Variants in DMXL1 observed in about 807,000 individuals in gnomAD.
The protein encoded by DMXL1 is dmX-like protein 1.
In DMXL1, 99 loss-of-function variants were observed where a neutral mutation model predicts 319.2. The ratio of observed to expected loss-of-function variants is 0.31; its 90% CI spans 0.26 to 0.37. The LOEUF (loss-of-function observed/expected upper bound fraction) is 0.37. DMXL1 is among the 10% of genes least tolerant of loss of function. The pLI is 1.00. For missense variants in DMXL1, 3,745 were observed against 3,595.6 expected, an observed-to-expected ratio of 1.04 and a Z score of -1.06; for synonymous variants, 1,385 against 1,235.2, an observed-to-expected ratio of 1.12 and a Z score of -2.54.
At chr5:119,091,229 C>T (rs968406048) in intron 1 of DMXL1, among the ~76,000 whole-genome samples, 3 of 151,304 alleles carry the variant, frequency 2.0e-5, no homozygotes, top group South Asian at 2.1e-4. Context: ...ATTTATTTGA[C>T]AGTGTCTTGC....
At chr5:119,235,299 A>G (rs1787543088) in intron 39 of DMXL1, among the ~76,000 whole-genome samples, 1 of 152,184 alleles carries the variant, frequency 6.6e-6, no homozygotes, top group African/African-American at 2.4e-5. Context: ...AATATATTAC[A>G]TTTATACAAC....
At chr5:119,199,368 C>T (rs1375682429) in intron 32 of DMXL1, among the ~76,000 whole-genome samples, 2 of 152,168 alleles carry the variant, frequency 1.3e-5, no homozygotes, top group Admixed American at 6.5e-5. Context: ...TAGTAACCTC[C>T]AGCTCCATCC....
At chr5:119,109,926 G>GA (rs1277065271) in intron 4 of DMXL1, among the ~76,000 whole-genome samples, 24 of 152,184 alleles carry the variant, frequency 1.6e-4, no homozygotes, top group Admixed American at 1.1e-3. Flanking sequence ...CCGGGACAAA[G>GA]AAGATGCTCA....
At chr5:119,203,174 GA>G in intron 32 of DMXL1, 144 bp from the exon 33 acceptor site, 1 of 500,578 alleles carries the variant, frequency 2.0e-6, no homozygotes, top group South Asian at 3.3e-5. Flanking sequence ...ATCCTTTAAG[GA>G]AAAGGTTGGC....
intron 30 of DMXL1, 34 bp from the exon 31 acceptor site, chr5:119,196,337 A>G (rs773353279): frequency 6.5e-7 from 1 of 1,530,436 alleles, no homozygotes; most frequent in South Asian, 1.1e-5. Context: ...CCCTATAGAA[A>G]TAGTTAACAG....
At chr5:119,178,286 CTGAG>C in intron 28 of DMXL1, 42 bp downstream of exon 28, 1 of 1,579,546 alleles carries the variant, frequency 6.3e-7, no homozygotes, top group African/African-American at 1.4e-5. Flanking sequence ...CTTTATTTAT[CTGAG>C]TGATATCATT....
At chr5:119,204,241 G>A (rs1367614076) in intron 33 of DMXL1, among the ~76,000 whole-genome samples, 3 of 151,498 alleles carry the variant, frequency 2.0e-5, no homozygotes, top group East Asian at 1.9e-4. Context: ...AGGCTCAAGC[G>A]ATCCTCCCAC....
intron 10 of DMXL1, chr5:119,132,633 C>A (rs1005168338): frequency 1.1e-5 from 4 of 370,536 alleles, no homozygotes; most frequent in African/African-American, 6.5e-5. Context: ...GCTGAGATCA[C>A]GCCACTGTAC....
At chr5:119,245,206 G>A (rs908847575) in intron 43 of DMXL1, among the ~76,000 whole-genome samples, 5 of 152,154 alleles carry the variant, frequency 3.3e-5, no homozygotes, top group African/African-American at 1.2e-4. Context: ...TTAATGGAGG[G>A]TCTTTTGGCC....
chr5:119,092,559 T>C (rs1755023515), intron 1 of DMXL1, among the ~76,000 whole-genome samples: 2 of 152,238 alleles, frequency 1.3e-5, no homozygotes, highest in South Asian at 4.1e-4. Context: ...GTGGTTTTAG[T>C]GTATTAACAA....
At chr5:119,139,739 T>G (rs1426379057) in intron 13 of DMXL1, among the ~76,000 whole-genome samples, 1 of 152,124 alleles carries the variant, frequency 6.6e-6, no homozygotes, top group Non-Finnish European at 1.5e-5. Context: ...GTAACAGAGA[T>G]ATTCCGGACC....
chr5:119,188,606 TATCAA>T (rs1184458902), intron 28 of DMXL1, among the ~76,000 whole-genome samples: 6 of 152,246 alleles, frequency 3.9e-5, no homozygotes. Context: ...GATTGTTGGT[TATCAA>T]ATGTTAGTAA....
chr5:119,237,363 A>G lies in DMXL1; in HGVS notation c.8508A>G (p.Gln2836=), dbSNP rs551989927. ...CTGATGGATATTTAAGTTTGTATCA[A>G]ACAAACTGGAAATGTTGTCCAGTTA... ...VDADGYLSLY[Q]TNWKCCPVTG... The change falls in exon 40 of 44, where the codon CAA becomes CAG. Residue 2836 remains glutamine, a synonymous_variant. Coordinates refer to ENST00000539542, the MANE Select transcript of DMXL1 (RefSeq NM_001290321.3). 1.9e-6 allele frequency: 3 copies of G among 1,604,058 alleles called. No individual in the cohort carries two copies. Among genetic ancestry groups the G allele is most frequent in the East Asian group, 2.2e-5 (1 of 44,668 alleles).
rs561476219 is a variant in DMXL1 at position 119,142,872 on chromosome 5, T to C, written c.2377-969T>C. The stretch of plus-strand genomic sequence containing the variant: ...TGTGCAGCCATAAAAAAGAATGAAA[T>C]GATGTAATTTGCAGGAACATGGGTG... On this transcript the variant is annotated intron_variant, in intron 13 of 43. Transcript: ENST00000539542. Among the ~76,000 whole-genome samples the C allele has an allele frequency of 4.0e-4, 61 of 152,172 alleles. 1 individual carries two copies. The highest frequency in any genetic ancestry group is 4.0e-3 in the Admixed American group (61 of 15,280).
At chr5:119,089,394 C>T (rs1754183919) in intron 1 of DMXL1, among the ~76,000 whole-genome samples, 1 of 143,318 alleles carries the variant, frequency 7.0e-6, no homozygotes, top group Admixed American at 7.2e-5. Context: ...CAACCTCTGC[C>T]TCCTGGGTTC....
intron 4 of DMXL1, among the ~76,000 whole-genome samples, chr5:119,106,204 A>T (rs943054576): frequency 3.9e-5 from 6 of 152,178 alleles, no homozygotes; most frequent in Non-Finnish European, 2.9e-5. Context: ...GGCCCTCTGT[A>T]GCAGGGCAGC....
intron 37 of DMXL1, among the ~76,000 whole-genome samples, chr5:119,223,821 A>G (rs1267538320): frequency 6.6e-6 from 1 of 152,154 alleles, no homozygotes. Flanking sequence ...ACCTTCAGGC[A>G]TTTCTTTAAT....
intron 34 of DMXL1, among the ~76,000 whole-genome samples, chr5:119,210,756 C>CTTTTTT (rs1205202596): frequency 4.5e-5 from 3 of 65,958 alleles, no homozygotes; most frequent in African/African-American, 1.0e-4. Flanking sequence ...TTTTTTCTTT[C>CTTTTTT]GTTTTTTTTT....
At chr5:119,112,250 C>T (rs960834111) in intron 5 of DMXL1, among the ~76,000 whole-genome samples, 2 of 152,202 alleles carry the variant, frequency 1.3e-5, no homozygotes, top group Admixed American at 6.5e-5. Context: ...CATGAGCCAC[C>T]GTGCCCGGCC....
Sources: allele counts gnomAD v4.1 joint callset (sites outside exome capture counted in the v4.1 genomes callset), GRCh38; gene constraint gnomAD v4.1.1; transcripts MANE v1.5; gene names NCBI Gene and HGNC (gene_info 2026-07-23, HGNC 2026-07-21).